The following PLCE1 variants were observed in gnomAD, a reference collection of about 807,000 sequenced individuals.
The protein encoded by PLCE1 is phospholipase C epsilon 1.
A neutral mutation model predicts 242.8 loss-of-function variants in PLCE1; 119 were observed. That is an observed-to-expected ratio of 0.49 (90% CI 0.42 to 0.57). The LOEUF (loss-of-function observed/expected upper bound fraction) is 0.57. Among genes scored for constraint, PLCE1 ranks in the 20% least tolerant of loss-of-function variants. PLCE1 has a pLI of 0.00. For missense variants in PLCE1, 2,441 were observed against 2,788.8 expected, an observed-to-expected ratio of 0.88 and a Z score of 2.81; for synonymous variants, 945 against 1,017.4, an observed-to-expected ratio of 0.93 and a Z score of 1.35.
chr10:94,181,042 G>A (rs932996665), intron 4 of PLCE1, among the ~76,000 whole-genome samples: 5 of 152,224 alleles, frequency 3.3e-5, no homozygotes, highest in Non-Finnish European at 7.3e-5. Flanking sequence ...CCCAGTTGGG[G>A]CAGCAGGAGG....
At chr10:94,119,892 A>T (rs144930299) in intron 2 of PLCE1, among the ~76,000 whole-genome samples, 1 of 152,348 alleles carries the variant, frequency 6.6e-6, no homozygotes, top group African/African-American at 2.4e-5. Flanking sequence ...ACAAAGTCCA[A>T]ACAAGGAATA....
intron 2 of PLCE1, among the ~76,000 whole-genome samples, chr10:94,045,232 C>T (rs1483006490): frequency 2.0e-5 from 3 of 152,070 alleles, no homozygotes; most frequent in Non-Finnish European, 4.4e-5. Flanking sequence ...TCAAGTAATC[C>T]TCTTGCCTCA....
In PLCE1 at chr10:94,270,479, C is replaced by G. The variant is rs753895969; in HGVS notation, c.4390-7C>G. On this transcript the variant is annotated splice_polypyrimidine_tract_variant and splice_region_variant and intron_variant, in intron 17 of 32. Transcript: ENST00000371380. ...TGGACTCTAATGAGCTGTTTTGGCT[C>G]TCATAGGAAGTGGTTGAAGCCATTG... is the stretch of plus-strand genomic sequence containing the variant. The G allele has an allele frequency of 6.3e-6, 10 of 1,593,338 alleles. No homozygotes were observed. The highest frequency in any genetic ancestry group is 2.2e-5 in the East Asian group (1 of 44,756).
intron 16 of PLCE1, among the ~76,000 whole-genome samples, chr10:94,268,627 T>C (rs1280581318): frequency 6.6e-6 from 1 of 152,224 alleles, no homozygotes; most frequent in Non-Finnish European, 1.5e-5. Flanking sequence ...TTTGAAGACG[T>C]GCCCTTTCAA....
At chr10:94,163,728 C>G (rs193263405) in intron 3 of PLCE1, among the ~76,000 whole-genome samples, 1 of 152,298 alleles carries the variant, frequency 6.6e-6, no homozygotes. Context: ...TTGCTCGTTA[C>G]TTGATGCGGT....
rs780306724 is a variant in PLCE1, at chr10:94,234,060, A to G, written c.1962A>G (p.Arg654=). The G allele has an allele frequency of 6.2e-7, 1 of 1,613,684 alleles. No individual in the cohort carries two copies. The highest frequency in any genetic ancestry group is 1.1e-5 in the South Asian group (1 of 91,076). ...TGTCATTTACTTGCAATAGGTCAAG[A>G]AAAGTTTTAAAAATGTGGCAGTTCA... ...VMEFLAGLRS[R]KVLKMWQFMD... Residue 654 remains arginine, a synonymous_variant, in exon 6 of 33, where the codon AGA becomes AGG. Coordinates refer to ENST00000371380, the MANE Select transcript of PLCE1 (RefSeq NM_016341.4).
chr10:94,194,191 G>A (rs751335105), intron 4 of PLCE1, among the ~76,000 whole-genome samples: 3 of 152,156 alleles, frequency 2.0e-5, no homozygotes, highest in Non-Finnish European at 4.4e-5. Flanking sequence ...CAGATATCCT[G>A]CTAATAAAAA....
chr10:94,220,457 C>T (rs1387585141), intron 4 of PLCE1, among the ~76,000 whole-genome samples: 2 of 123,788 alleles, frequency 1.6e-5, no homozygotes, highest in African/African-American at 6.1e-5. Flanking sequence ...TCTTTTATTC[C>T]TAGCAATGAG....
At chr10:94,314,816 T>G (rs2053512768) in intron 28 of PLCE1, 1 of 152,282 alleles carries the variant, frequency 6.6e-6, no homozygotes, top group African/African-American at 2.4e-5. Flanking sequence ...CAGGCTAACA[T>G]TCTGTCCAAC....
At position 94,321,779 on chromosome 10, in the gene PLCE1, T is replaced by C; in HGVS notation, c.6343-122T>C. 5 of 703,804 alleles carry C rather than the reference T, an allele frequency of 7.1e-6. No individual in the cohort carries two copies. In the East Asian group the frequency reaches 1.3e-4, roughly 19 times the overall value. The allele number at this position is 703,804 out of a possible 1,614,324, so 43.6% of individuals were successfully genotyped here. ...GTTTATGAAATAATAACATAGTATATGAGATATTAAGCTAAGAAGTTTCTA... is the reference window on the plus strand; with the variant it reads ...GTTTATGAAATAATAACATAGTATACGAGATATTAAGCTAAGAAGTTTCTA... On this transcript the variant is annotated intron_variant, in intron 29 of 32. Coordinates refer to ENST00000371380, the MANE Select transcript of PLCE1 (RefSeq NM_016341.4).
At chr10:94,243,982 C>T (rs2050595319) in intron 7 of PLCE1, among the ~76,000 whole-genome samples, 1 of 152,120 alleles carries the variant, frequency 6.6e-6, no homozygotes, top group Non-Finnish European at 1.5e-5. Flanking sequence ...AATTACATTG[C>T]ATGAATACAC....
chr10:94,319,327 T>A (rs1250017219), intron 29 of PLCE1, among the ~76,000 whole-genome samples: 1 of 152,194 alleles, frequency 6.6e-6, no homozygotes, highest in Non-Finnish European at 1.5e-5. Flanking sequence ...GCTGATTGAA[T>A]AAATGAATTC....
At chr10:94,048,546 AT>A (rs1325742726) in intron 2 of PLCE1, among the ~76,000 whole-genome samples, 1 of 151,472 alleles carries the variant, frequency 6.6e-6, no homozygotes, top group African/African-American at 2.4e-5. Flanking sequence ...TGTTTACCAT[AT>A]TTTTGTGTTT....
intron 4 of PLCE1, among the ~76,000 whole-genome samples, chr10:94,220,693 A>G (rs1168349218): frequency 6.6e-6 from 1 of 152,108 alleles, no homozygotes; most frequent in Non-Finnish European, 1.5e-5. Flanking sequence ...CAGTCACAGT[A>G]GTGAACATCT....
chr10:93,998,218 T>C lies in PLCE1; in HGVS notation c.-365+3960T>C, dbSNP rs190782533. Among the ~76,000 whole-genome samples the C allele has an allele frequency of 2.6e-5, 4 of 152,328 alleles. No individual in the cohort carries two copies. In the East Asian group the frequency reaches 7.7e-4, roughly 29 times the overall value. The stretch of plus-strand genomic sequence containing the variant: ...CAAGCCTCAGTGATCTCTTCTTAGA[T>C]TTTGGTCCAAACCTGCCTTTGAAGA... On this transcript the variant is annotated intron_variant, in intron 1 of 32. Coordinates refer to ENST00000371380, the MANE Select transcript of PLCE1 (RefSeq NM_016341.4).
At chr10:94,035,805 C>T (rs1380362619) in intron 2 of PLCE1, among the ~76,000 whole-genome samples, 1 of 152,132 alleles carries the variant, frequency 6.6e-6, no homozygotes, top group Non-Finnish European at 1.5e-5. Context: ...TGAATTATAA[C>T]TAGTTTTTCC....
chr10:94,140,117 CTGAG>C (rs2046907402), intron 3 of PLCE1, among the ~76,000 whole-genome samples: 1 of 151,848 alleles, frequency 6.6e-6, no homozygotes, highest in Admixed American at 6.6e-5. Flanking sequence ...TTTAACCAGT[CTGAG>C]TGTGTGGTAT....
chr10:94,267,409 CAG>C (rs2051557486), intron 16 of PLCE1, among the ~76,000 whole-genome samples: 1 of 152,168 alleles, frequency 6.6e-6, no homozygotes, highest in African/African-American at 2.4e-5. Context: ...CAAATAGACT[CAG>C]AGATGTGACT....
chr10:94,086,606 C>G (rs1231875342), intron 2 of PLCE1, among the ~76,000 whole-genome samples: 1 of 152,196 alleles, frequency 6.6e-6, no homozygotes, highest in African/African-American at 2.4e-5. Context: ...GCCCATATGT[C>G]TACACTCTCT....
Sources: gnomAD v4.1 joint callset for allele counts (sites outside exome capture counted in the v4.1 genomes callset) on GRCh38, gnomAD v4.1.1 for gene constraint, MANE v1.5 for transcripts, NCBI Gene and HGNC (gene_info 2026-07-23, HGNC 2026-07-21) for gene names.